CIMIP7: variants seen among roughly 807,000 people sequenced by gnomAD.
CIMIP7 encodes ciliary microtubule inner protein 7.
the CIMIP7 span, chr3:49,178,556 AAG>A: frequency 6.2e-7 from 1 of 1,610,330 alleles, no homozygotes; most frequent in South Asian, 1.1e-5. Flanking sequence ...GACAGTGAGA[AAG>A]AAGGTGAATG....
the CIMIP7 span, among the ~76,000 whole-genome samples, chr3:49,186,470 C>T: frequency 8.6e-5 from 13 of 150,652 alleles, no homozygotes; most frequent in Non-Finnish European, 1.5e-4. Flanking sequence ...GTGGTGCGAT[C>T]GCGGCTCACT....
chr3:49,188,853 G>A, the CIMIP7 span, among the ~76,000 whole-genome samples: 17 of 152,018 alleles, frequency 1.1e-4, no homozygotes, highest in African/African-American at 4.1e-4. Context: ...GCTGGAGTGT[G>A]GTGGTGCCAT....
chr3:49,190,218 T>A, the CIMIP7 span: 11 of 1,012,892 alleles, frequency 1.1e-5, no homozygotes, highest in Non-Finnish European at 1.2e-5. Flanking sequence ...CAACTGAGGG[T>A]TCCAGGAAAG....
chr3:49,182,070 C>T, the CIMIP7 span, among the ~76,000 whole-genome samples: 3 of 152,280 alleles, frequency 2.0e-5, no homozygotes, highest in East Asian at 5.8e-4. Flanking sequence ...TCACTGGCTT[C>T]AGGAGTGAAG....
the CIMIP7 span, among the ~76,000 whole-genome samples, chr3:49,180,259 G>GA: frequency 4.4e-4 from 65 of 148,092 alleles, no homozygotes; most frequent in East Asian, 2.6e-3. Flanking sequence ...CTGGGCAACA[G>GA]AAAAAAAAAA....
chr3:49,181,301 C>T, the CIMIP7 span, among the ~76,000 whole-genome samples: 1 of 147,822 alleles, frequency 6.8e-6, no homozygotes, highest in African/African-American at 2.5e-5. Context: ...GAGATCTCAC[C>T]ACTGCACTCC....
At chr3:49,189,794 T>G in the CIMIP7 span, 2 of 681,712 alleles carry the variant, frequency 2.9e-6, no homozygotes, top group Non-Finnish European at 5.6e-6. Flanking sequence ...GGCTAGGCCC[T>G]TACCCTTTGT....
chr3:49,181,454 C>G, the CIMIP7 span, among the ~76,000 whole-genome samples: 1 of 151,890 alleles, frequency 6.6e-6, no homozygotes, highest in Non-Finnish European at 1.5e-5. Flanking sequence ...AGTTCAAGAC[C>G]GGCCTGGGCA....
chr3:49,180,533 G>C, the CIMIP7 span, among the ~76,000 whole-genome samples: 1 of 152,208 alleles, frequency 6.6e-6, no homozygotes, highest in Admixed American at 6.5e-5. Flanking sequence ...TGGCTTGGGA[G>C]TATAGGTAAT....
chr3:49,177,669 T>C, the CIMIP7 span: 1 of 1,604,196 alleles, frequency 6.2e-7, no homozygotes, highest in Non-Finnish European at 8.5e-7. Flanking sequence ...TGGACCAGTT[T>C]AGACACTCAG....
the CIMIP7 span, chr3:49,178,385 C>A: frequency 1.8e-6 from 2 of 1,129,082 alleles, no homozygotes; most frequent in African/African-American, 1.5e-5. Flanking sequence ...AAGGAGCCCT[C>A]CCTCAGTGTC....
chr3:49,184,227 G>A, the CIMIP7 span, among the ~76,000 whole-genome samples: 1 of 152,176 alleles, frequency 6.6e-6, no homozygotes, highest in East Asian at 1.9e-4. Context: ...TTGAACTCTT[G>A]GGCTCAAGCA....
the CIMIP7 span, among the ~76,000 whole-genome samples, chr3:49,191,521 T>A: frequency 1.3e-5 from 2 of 152,182 alleles, no homozygotes; most frequent in African/African-American, 4.8e-5. Flanking sequence ...GAATTTCCAC[T>A]GGCTTTCAGG....
the CIMIP7 span, among the ~76,000 whole-genome samples, chr3:49,188,722 T>A: frequency 6.6e-6 from 1 of 152,204 alleles, no homozygotes; most frequent in African/African-American, 2.4e-5. Context: ...CAATCTTTTG[T>A]AAACATACCC....
At chr3:49,189,833 G>T in the CIMIP7 span, 1 of 736,216 alleles carries the variant, frequency 1.4e-6, no homozygotes. Flanking sequence ...GAGCAATATG[G>T]TTCAGTTTGG....
At chr3:49,177,786 A>AT in the CIMIP7 span, 46 of 1,611,562 alleles carry the variant, frequency 2.9e-5, no homozygotes, top group Admixed American at 3.4e-5. Flanking sequence ...TGTAGCTGCC[A>AT]TAGTGGCCAC....
At chr3:49,191,593 C>T in the CIMIP7 span, 6 of 834,236 alleles carry the variant, frequency 7.2e-6, no homozygotes, top group Non-Finnish European at 1.2e-5. Flanking sequence ...CAGGGGTGAC[C>T]TCAAGATGGT....
At chr3:49,181,655 T>C in the CIMIP7 span, among the ~76,000 whole-genome samples, 889 of 152,282 alleles carry the variant, frequency 5.8e-3, 9 homozygotes, top group African/African-American at 0.02. Flanking sequence ...AAAATATTTA[T>C]AAACCATATA....
the CIMIP7 span, chr3:49,178,106 G>A: frequency 6.7e-7 from 1 of 1,484,150 alleles, no homozygotes; most frequent in Non-Finnish European, 9.0e-7. Flanking sequence ...GCACCTTCTT[G>A]GGCCCCTCCT....
Sources: gnomAD v4.1 joint callset for allele counts (sites outside exome capture counted in the v4.1 genomes callset) on GRCh38, gnomAD v4.1.1 for gene constraint, MANE v1.5 for transcripts, NCBI Gene and HGNC (gene_info 2026-07-23, HGNC 2026-07-21) for gene names.